NEGR1: variants seen among roughly 807,000 people sequenced by gnomAD.
NEGR1 encodes the protein neuronal growth regulator 1.
A neutral mutation model predicts 40.9 loss-of-function variants in NEGR1; 10 were observed. The ratio of observed to expected loss-of-function variants is 0.24; its 90% confidence interval spans 0.15 to 0.42. The LOEUF is 0.42. Among genes scored for constraint, NEGR1 ranks in the 10% least tolerant of loss-of-function variants. NEGR1 has a pLI of 1.00. For synonymous variants in NEGR1, 185 were observed against 166.8 expected (o/e 1.11, Z -0.84); for missense variants, 352 against 438.9 (o/e 0.80, Z 1.77).
chr1:71,752,512 T>C (rs922339758), intron 3 of NEGR1, among the ~76,000 whole-genome samples: 1 of 152,190 alleles, frequency 6.6e-6, no homozygotes, highest in African/African-American at 2.4e-5. Flanking sequence ...TTATCAACTA[T>C]TCATTTTTGC....
At chr1:71,857,469 A>C (rs1246978418) in intron 2 of NEGR1, among the ~76,000 whole-genome samples, 1 of 149,458 alleles carries the variant, frequency 6.7e-6, no homozygotes, top group Non-Finnish European at 1.5e-5. Flanking sequence ...AAAAAAAAAA[A>C]AAAAAAAAAT....
intron 1 of NEGR1, among the ~76,000 whole-genome samples, chr1:72,146,362 T>A (rs1303000520): frequency 6.6e-6 from 1 of 152,190 alleles, no homozygotes; most frequent in Non-Finnish European, 1.5e-5. Flanking sequence ...TTTTTCACTC[T>A]ATTAATGCCA....
chr1:71,703,945 T>C (rs1232505579), intron 3 of NEGR1, among the ~76,000 whole-genome samples: 1 of 151,762 alleles, frequency 6.6e-6, no homozygotes, highest in Non-Finnish European at 1.5e-5. Flanking sequence ...ATATAAGAGG[T>C]TAATCATGTC....
intron 6 of NEGR1, among the ~76,000 whole-genome samples, chr1:71,485,698 T>A (rs1255892904): frequency 6.6e-6 from 1 of 151,730 alleles, no homozygotes; most frequent in Non-Finnish European, 1.5e-5. Flanking sequence ...TAGGTAGCCT[T>A]TTCAGACTGT....
intron 1 of NEGR1, among the ~76,000 whole-genome samples, chr1:72,149,342 T>C (rs1365422817): frequency 6.6e-6 from 1 of 152,088 alleles, no homozygotes; most frequent in Non-Finnish European, 1.5e-5. Flanking sequence ...CTGGGAGATA[T>C]AATTCAAGTT....
chr1:71,708,615 G>A (rs964108482), intron 3 of NEGR1, among the ~76,000 whole-genome samples: 2 of 150,936 alleles, frequency 1.3e-5, no homozygotes, highest in African/African-American at 4.9e-5. Context: ...TTTTTTTTAA[G>A]TTCAGGGGTA....
chr1:71,769,230 AT>A (rs1400859709), intron 3 of NEGR1, among the ~76,000 whole-genome samples: 1 of 151,446 alleles, frequency 6.6e-6, no homozygotes, highest in African/African-American at 2.4e-5. Flanking sequence ...TACAATTTTT[AT>A]TTTTTCTTTA....
chr1:71,699,666 C>T (rs924278669), intron 3 of NEGR1, among the ~76,000 whole-genome samples: 1 of 151,722 alleles, frequency 6.6e-6, no homozygotes, highest in Non-Finnish European at 1.5e-5. Context: ...TATACTACAT[C>T]AGGTACTGAT....
At chr1:72,202,356 TA>T (rs1325427154) in intron 1 of NEGR1, among the ~76,000 whole-genome samples, 1 of 151,764 alleles carries the variant, frequency 6.6e-6, no homozygotes, top group Non-Finnish European at 1.5e-5. Flanking sequence ...AGTGTTAAAG[TA>T]AAAGAAATGA....
intron 2 of NEGR1, among the ~76,000 whole-genome samples, chr1:71,898,965 AT>A (rs1661059936): frequency 3.7e-5 from 1 of 27,110 alleles, no homozygotes; most frequent in African/African-American, 1.0e-4. Flanking sequence ...TATATATAGC[AT>A]ATATATATAT....
intron 3 of NEGR1, among the ~76,000 whole-genome samples, chr1:71,718,599 A>ATT (rs985721412): frequency 4.6e-5 from 7 of 152,150 alleles, no homozygotes; most frequent in African/African-American, 9.6e-5. Flanking sequence ...TATTGATTTC[A>ATT]TTTTTTTAAC....
chr1:71,793,820 T>A (rs1436540532), intron 2 of NEGR1, among the ~76,000 whole-genome samples: 2 of 152,002 alleles, frequency 1.3e-5, no homozygotes, highest in African/African-American at 4.8e-5. Flanking sequence ...ATCATGTCAA[T>A]AGATATAGAA....
intron 6 of NEGR1, among the ~76,000 whole-genome samples, chr1:71,470,132 T>C (rs1646772507): frequency 6.6e-6 from 1 of 152,084 alleles, no homozygotes; most frequent in South Asian, 2.1e-4. Flanking sequence ...GGCCAAACAT[T>C]AGATGTTAGT....
At chr1:71,998,196 C>T (rs1160783887) in intron 1 of NEGR1, among the ~76,000 whole-genome samples, 1 of 151,794 alleles carries the variant, frequency 6.6e-6, no homozygotes, top group Non-Finnish European at 1.5e-5. Flanking sequence ...TTAAATGAGG[C>T]TAATCATAAT....
At chr1:71,538,879 C>A (rs1647595396) in intron 6 of NEGR1, among the ~76,000 whole-genome samples, 1 of 151,732 alleles carries the variant, frequency 6.6e-6, no homozygotes, top group Admixed American at 6.6e-5. Context: ...TCCATCCCAT[C>A]TGGTGATCTT....
At chr1:71,539,294 G>A (rs1229826155) in intron 6 of NEGR1, among the ~76,000 whole-genome samples, 1 of 151,690 alleles carries the variant, frequency 6.6e-6, no homozygotes, top group Non-Finnish European at 1.5e-5. Context: ...CATCTTGTAA[G>A]TGACTATCAT....
chr1:71,996,040 T>C (rs532789563), intron 1 of NEGR1, among the ~76,000 whole-genome samples: 1 of 152,282 alleles, frequency 6.6e-6, no homozygotes, highest in African/African-American at 2.4e-5. Flanking sequence ...AAGCATTAAC[T>C]TGTTGAAAAA....
At chr1:72,161,715 T>A (rs1651571953) in intron 1 of NEGR1, among the ~76,000 whole-genome samples, 1 of 144,354 alleles carries the variant, frequency 6.9e-6, no homozygotes, top group South Asian at 2.3e-4. Flanking sequence ...AGTCTTGCTC[T>A]GTCACCCAGG....
intron 6 of NEGR1, among the ~76,000 whole-genome samples, chr1:71,586,502 T>C (rs895022679): frequency 4.6e-5 from 7 of 152,278 alleles, no homozygotes; most frequent in Middle Eastern, 3.4e-3. Flanking sequence ...GAATTGACTA[T>C]GTAAAATCTG....
Sources: gnomAD v4.1 joint callset for allele counts (sites outside exome capture counted in the v4.1 genomes callset) on GRCh38, gnomAD v4.1.1 for gene constraint, MANE v1.5 for transcripts, NCBI Gene and HGNC (gene_info 2026-07-23, HGNC 2026-07-21) for gene names.